Variants in NEK11 observed in about 807,000 individuals in gnomAD.
The protein encoded by NEK11 is serine/threonine-protein kinase Nek11.
A neutral mutation model predicts 80.7 loss-of-function variants in NEK11; 72 were observed. The ratio of observed to expected loss-of-function variants is 0.89; its 90% CI spans 0.74 to 1.08. The LOEUF (loss-of-function observed/expected upper bound fraction) is 1.08, where lower values mean the gene tolerates loss of function less well. NEK11 is among the 50% of genes least tolerant of loss of function. The probability of loss-of-function intolerance (pLI) is 0.00; values close to 1 mark genes in which losing one functional copy is unlikely to be tolerated. For synonymous variants in NEK11, 251 were observed against 260.7 expected, an observed-to-expected ratio of 0.96 and a Z score of 0.36; for missense variants, 764 against 763.6, an observed-to-expected ratio of 1.00 and a Z score of -0.01.
chr3:131,203,489 T>G (rs2094322583), intron 14 of NEK11, among the ~76,000 whole-genome samples: 1 of 150,322 alleles, frequency 6.7e-6, no homozygotes, highest in African/African-American at 2.4e-5. Flanking sequence ...AAATGACAAG[T>G]TAATGGGTGC....
At chr3:131,195,619 T>C (rs575889036) in intron 14 of NEK11, among the ~76,000 whole-genome samples, 160 of 152,068 alleles carry the variant, frequency 1.1e-3, no homozygotes, top group African/African-American at 3.7e-3. Flanking sequence ...CTGCATACAG[T>C]TGTGCCTGCT....
At chr3:131,250,879 A>G (rs890907462) in intron 16 of NEK11, among the ~76,000 whole-genome samples, 3 of 152,120 alleles carry the variant, frequency 2.0e-5, no homozygotes, top group African/African-American at 7.2e-5. Context: ...GGCAATTATG[A>G]ACTCCTGGAA....
rs149518095 is a variant in NEK11, at chr3:131,049,102, G to A, written c.170+19224G>A. Among the ~76,000 whole-genome samples the A allele has an allele frequency of 3.3e-3, 505 of 152,226 alleles. 1 individual carries two copies. Among genetic ancestry groups the A allele is most frequent in the African/African-American group, 0.012 (480 of 41,528 alleles). ...CATACAATAACAATGATTGCTTTTT[G>A]GTTGTAGTTAGCTAAAAGTTTCGTT... On this transcript the variant is annotated intron_variant, in intron 3 of 17. Transcript: ENST00000383366.
At chr3:131,052,969 A>T (rs2068694831) in intron 3 of NEK11, among the ~76,000 whole-genome samples, 1 of 152,184 alleles carries the variant, frequency 6.6e-6, no homozygotes, top group African/African-American at 2.4e-5. Flanking sequence ...GGATGTAGCA[A>T]GCAGCATTTC....
intron 17 of NEK11, among the ~76,000 whole-genome samples, chr3:131,317,774 A>AAGGAGG (rs1211307501): frequency 5.5e-5 from 6 of 108,834 alleles, no homozygotes; most frequent in African/African-American, 1.9e-4. Context: ...GAAGAAGGAG[A>AAGGAGG]AGGAGGAGGA....
At chr3:131,186,258 T>G (rs1461296613) in intron 14 of NEK11, among the ~76,000 whole-genome samples, 1 of 152,238 alleles carries the variant, frequency 6.6e-6, no homozygotes, top group Non-Finnish European at 1.5e-5. Context: ...TTTTATTTGC[T>G]ATTGTTTTTG....
chr3:131,041,552 G>A (rs761103239), intron 3 of NEK11, among the ~76,000 whole-genome samples: 14 of 152,014 alleles, frequency 9.2e-5, no homozygotes, highest in African/African-American at 1.7e-4. Context: ...ATATACTCAC[G>A]TATATATATG....
At chr3:131,038,708 A>C (rs886713449) in intron 3 of NEK11, among the ~76,000 whole-genome samples, 5 of 152,252 alleles carry the variant, frequency 3.3e-5, no homozygotes, top group Admixed American at 2.6e-4. Flanking sequence ...CTGTTGTTTG[A>C]AAGAAAACAA....
At chr3:131,204,593 C>T (rs948169420) in intron 14 of NEK11, among the ~76,000 whole-genome samples, 1 of 151,550 alleles carries the variant, frequency 6.6e-6, no homozygotes, top group Non-Finnish European at 1.5e-5. Flanking sequence ...GGGAAAAACA[C>T]CCACACATTT....
Position 131,210,329 on chromosome 3 carries a change from T to C in NEK11, c.1400-18199T>C, listed in dbSNP as rs532323391. Among the ~76,000 whole-genome samples, 624 of 152,352 alleles carry C rather than the reference T, an allele frequency of 4.1e-3. 2 individuals carry two copies. The highest frequency in any genetic ancestry group is 0.017 in the Middle Eastern group (5 of 294). On this transcript the variant is annotated intron_variant, in intron 14 of 17. Transcript: ENST00000383366. ...GAGTTCTAGTTTGATTGCACTGTGG[T>C]CTGAGAGACAGTTTGTTATAATTTC...
At chr3:131,075,215 G>A (rs568847445) in intron 3 of NEK11, among the ~76,000 whole-genome samples, 8 of 152,112 alleles carry the variant, frequency 5.3e-5, no homozygotes, top group South Asian at 2.1e-4. Flanking sequence ...CTAGTTCCAC[G>A]GGTTTAATTG....
chr3:131,339,142 A>AT, intron 17 of NEK11, among the ~76,000 whole-genome samples: 1 of 152,316 alleles, frequency 6.6e-6, no homozygotes, highest in Middle Eastern at 3.4e-3. Context: ...CTCATGATTG[A>AT]AAGCCCTTAA....
At chr3:131,039,812 A>G (rs937562336) in intron 3 of NEK11, among the ~76,000 whole-genome samples, 1 of 152,166 alleles carries the variant, frequency 6.6e-6, no homozygotes, top group Non-Finnish European at 1.5e-5. Context: ...CCTGGGGAAA[A>G]AAGCTTAGTT....
In NEK11 at chr3:131,308,167, T is replaced by G. The variant is rs574207680; in HGVS notation, c.1718+34593T>G. On this transcript the variant is annotated intron_variant, in intron 17 of 17. Transcript: ENST00000383366. ...ATGGTCACCTCTTAATCAAGGAGTG[T>G]TAAAGCACAATTACTATTATTGATA... 2.6e-3 allele frequency among the ~76,000 whole-genome samples: 391 copies of G among 152,304 alleles called. 1 individual carries two copies. Among genetic ancestry groups the G allele is most frequent in the Non-Finnish European group, 3.4e-3 (233 of 68,022 alleles).
chr3:131,204,593 C>A (rs948169420), intron 14 of NEK11, among the ~76,000 whole-genome samples: 1 of 151,550 alleles, frequency 6.6e-6, no homozygotes, highest in African/African-American at 2.4e-5. Context: ...GGGAAAAACA[C>A]CCACACATTT....
At chr3:131,266,157 C>G (rs765959754) in intron 16 of NEK11, among the ~76,000 whole-genome samples, 1 of 151,506 alleles carries the variant, frequency 6.6e-6, no homozygotes, top group African/African-American at 2.4e-5. Context: ...GTCAGTAAAC[C>G]AACTCCTGGA....
At chr3:131,291,424 A>G (rs78739018) in intron 17 of NEK11, among the ~76,000 whole-genome samples, 40 of 152,184 alleles carry the variant, frequency 2.6e-4, no homozygotes, top group East Asian at 5.8e-4. Context: ...CATATTTTCA[A>G]CTCCTCTAGG....
intron 4 of NEK11, among the ~76,000 whole-genome samples, chr3:131,088,580 T>C (rs965018734): frequency 4.8e-5 from 7 of 145,168 alleles, no homozygotes; most frequent in African/African-American, 2.0e-4. Flanking sequence ...TTTCAAATGG[T>C]TTTTTTTTAA....
At chr3:131,184,750 A>G in intron 14 of NEK11, 1 of 1,242,160 alleles carries the variant, frequency 8.1e-7, no homozygotes, top group Non-Finnish European at 1.0e-6. Flanking sequence ...AATGAAAAAT[A>G]AAGGAATTTC....
Sources: allele counts gnomAD v4.1 joint callset (sites outside exome capture counted in the v4.1 genomes callset), GRCh38; gene constraint gnomAD v4.1.1; transcripts MANE v1.5; gene names NCBI Gene and HGNC (gene_info 2026-07-23, HGNC 2026-07-21).